The following RUNX1 variants were observed in gnomAD, a reference collection of about 807,000 sequenced individuals.
The protein encoded by RUNX1 is runt-related transcription factor 1.
A neutral mutation model predicts 42.8 loss-of-function variants in RUNX1; 19 were observed. The observed-to-expected ratio is 0.44, with a 90% CI of 0.31 to 0.65. The LOEUF is 0.65. Ranked by LOEUF, RUNX1 falls within the 30% of genes least tolerant of loss-of-function variation. The pLI, the probability that RUNX1 is intolerant of heterozygous loss-of-function variation, is 0.07. For missense variants in RUNX1, 528 were observed against 672.0 expected, an observed-to-expected ratio of 0.79 and a Z score of 2.37; for synonymous variants, 271 against 289.4, an observed-to-expected ratio of 0.94 and a Z score of 0.64.
At chr21:35,017,967 AG>A (rs1379877318) in intron 2 of RUNX1, among the ~76,000 whole-genome samples, 1 of 152,170 alleles carries the variant, frequency 6.6e-6, no homozygotes, top group Non-Finnish European at 1.5e-5. Context: ...TGGAGAGTAT[AG>A]TATATTGTTA....
At chr21:34,873,272 A>T (rs2057766249) in intron 5 of RUNX1, among the ~76,000 whole-genome samples, 1 of 152,128 alleles carries the variant, frequency 6.6e-6, no homozygotes, top group Non-Finnish European at 1.5e-5. Context: ...CCTGTGATTT[A>T]CCTTGGTTTG....
At chr21:34,805,291 G>T (rs769189721) in intron 7 of RUNX1, among the ~76,000 whole-genome samples, 5 of 152,200 alleles carry the variant, frequency 3.3e-5, no homozygotes, top group Non-Finnish European at 7.3e-5. Context: ...AAAGAAAACA[G>T]TGGAAGAAAT....
chr21:34,870,132 T>C (rs1222856290), intron 5 of RUNX1, among the ~76,000 whole-genome samples: 1 of 152,160 alleles, frequency 6.6e-6, no homozygotes, highest in Non-Finnish European at 1.5e-5. Flanking sequence ...AGGATAAGGA[T>C]TGTGTTTCCT....
chr21:34,898,697 C>A (rs76972344), intron 2 of RUNX1, among the ~76,000 whole-genome samples: 2 of 152,280 alleles, frequency 1.3e-5, no homozygotes, highest in East Asian at 1.9e-4. Context: ...ACCTTGCCAG[C>A]GAGGCTGTGT....
chr21:34,921,267 C>T (rs993029683), intron 2 of RUNX1, among the ~76,000 whole-genome samples: 4 of 152,208 alleles, frequency 2.6e-5, no homozygotes, highest in African/African-American at 4.8e-5. Flanking sequence ...AAACTCTTTA[C>T]ACATTGAACC....
chr21:35,009,802 AT>A (rs984140895), intron 2 of RUNX1, among the ~76,000 whole-genome samples: 1 of 152,038 alleles, frequency 6.6e-6, no homozygotes, highest in African/African-American at 2.4e-5. Context: ...GGTGACTCTA[AT>A]TTTTTTTCAG....
At chr21:34,817,645 A>G (rs745605650) in intron 7 of RUNX1, among the ~76,000 whole-genome samples, 4 of 152,206 alleles carry the variant, frequency 2.6e-5, no homozygotes, top group Non-Finnish European at 2.9e-5. Context: ...TACATGTGTG[A>G]GATTTTCTTA....
intron 5 of RUNX1, among the ~76,000 whole-genome samples, chr21:34,866,188 C>T (rs1372417821): frequency 1.3e-5 from 2 of 152,192 alleles, no homozygotes; most frequent in African/African-American, 4.8e-5. Context: ...AGCCGTCTGC[C>T]CTGGGGGCTC....
chr21:35,035,187 T>C (rs1250684951), intron 2 of RUNX1, among the ~76,000 whole-genome samples: 1 of 152,236 alleles, frequency 6.6e-6, no homozygotes, highest in Non-Finnish European at 1.5e-5. Flanking sequence ...CAGCATATTC[T>C]ATGTATTTCT....
chr21:34,952,196 G>C (rs2058613607), intron 2 of RUNX1, among the ~76,000 whole-genome samples: 1 of 152,080 alleles, frequency 6.6e-6, no homozygotes, highest in African/African-American at 2.4e-5. Context: ...TGGACATAGG[G>C]AGAGGAACAT....
At chr21:34,963,699 G>A (rs1009256999) in intron 2 of RUNX1, among the ~76,000 whole-genome samples, 2 of 152,284 alleles carry the variant, frequency 1.3e-5, no homozygotes, top group South Asian at 2.1e-4. Context: ...GGGCAGGTCC[G>A]GAGGCGAGAC....
chr21:35,036,360 G>GT (rs1184193903), intron 2 of RUNX1, among the ~76,000 whole-genome samples: 2 of 152,128 alleles, frequency 1.3e-5, no homozygotes, highest in African/African-American at 4.8e-5. Flanking sequence ...CAGAGCAGCC[G>GT]TGAGAGGCTG....
At chr21:34,821,760 C>T (rs879240594) in intron 7 of RUNX1, 7 of 1,425,068 alleles carry the variant, frequency 4.9e-6, no homozygotes, top group Admixed American at 4.1e-5. Context: ...TATAGAGCCG[C>T]GAATGCATTC....
At position 34,997,337 on chromosome 21, in the gene RUNX1, T is replaced by TA. The variant is rs201696426; in HGVS notation, c.58+51504dup. ...CAAACTGAGTGCCTCAAATTCACAA[T>TA]AAAAAAAAATAGGCCTCTTATTGCT... is the stretch of plus-strand genomic sequence containing the variant. On this transcript the variant is annotated intron_variant, in intron 2 of 8. Coordinates refer to ENST00000675419, the MANE Select transcript of RUNX1 (RefSeq NM_001754.5). Among the ~76,000 whole-genome samples, 1,310 of 151,066 alleles carry TA rather than the reference T, an allele frequency of 8.7e-3. 14 individuals are homozygous for TA. Among genetic ancestry groups the TA allele is most frequent in the Middle Eastern group, 0.017 (5 of 290 alleles).
At chr21:34,836,662 C>T (rs1391240195) in intron 6 of RUNX1, among the ~76,000 whole-genome samples, 2 of 152,192 alleles carry the variant, frequency 1.3e-5, no homozygotes, top group Non-Finnish European at 2.9e-5. Context: ...CTCTATCTGC[C>T]TCAGAAATAA....
At chr21:34,834,065 T>G (rs1279550431) in intron 7 of RUNX1, 2 of 476,306 alleles carry the variant, frequency 4.2e-6, no homozygotes, top group Non-Finnish European at 8.0e-6. Context: ...GCCTAATGGG[T>G]AGGTAAAAAA....
intron 5 of RUNX1, among the ~76,000 whole-genome samples, chr21:34,868,887 G>A (rs1477040739): frequency 6.6e-6 from 1 of 152,168 alleles, no homozygotes; most frequent in Non-Finnish European, 1.5e-5. Context: ...CTTAGTAAAT[G>A]ACCTTGGGGG....
intron 5 of RUNX1, among the ~76,000 whole-genome samples, chr21:34,876,333 A>G (rs2057813698): frequency 6.6e-6 from 1 of 152,234 alleles, no homozygotes; most frequent in Non-Finnish European, 1.5e-5. Flanking sequence ...AGGTGTTACC[A>G]AAACAGCACA....
chr21:34,854,442 G>A (rs890075192), intron 6 of RUNX1, among the ~76,000 whole-genome samples: 19 of 151,940 alleles, frequency 1.3e-4, no homozygotes, highest in African/African-American at 3.6e-4. Context: ...AAAATTAGCC[G>A]GGCATGGTGG....
Sources: allele counts gnomAD v4.1 joint callset (sites outside exome capture counted in the v4.1 genomes callset), GRCh38; gene constraint gnomAD v4.1.1; transcripts MANE v1.5; gene names NCBI Gene and HGNC (gene_info 2026-07-23, HGNC 2026-07-21).